Variants in FGF14 observed in about 807,000 individuals in gnomAD.
FGF14 encodes fibroblast growth factor homologous factor 4.
In FGF14, 5 loss-of-function variants were observed where a neutral mutation model predicts 25.5. That is an observed-to-expected ratio of 0.20 (90% CI 0.10 to 0.41). The LOEUF (loss-of-function observed/expected upper bound fraction) is 0.41, where lower values mean the gene tolerates loss of function less well. Ranked by LOEUF, FGF14 falls within the 10% of genes least tolerant of loss-of-function variation. The pLI is 1.00. For synonymous variants in FGF14, 138 were observed against 118.3 expected (o/e 1.17, Z -1.08); for missense variants, 222 against 320.1 (o/e 0.69, Z 2.34).
At chr13:101,856,517 T>A (rs999166615) in intron 3 of FGF14, among the ~76,000 whole-genome samples, 6 of 151,940 alleles carry the variant, frequency 3.9e-5, no homozygotes, top group African/African-American at 1.4e-4. Flanking sequence ...AATGGCAATA[T>A]TTAAATAATA....
At chr13:102,234,659 C>T (rs370236459) in intron 1 of FGF14, among the ~76,000 whole-genome samples, 25 of 152,240 alleles carry the variant, frequency 1.6e-4, no homozygotes, top group East Asian at 9.7e-4. Flanking sequence ...ACATTACTAT[C>T]TTCACAGTGT....
intron 1 of FGF14, among the ~76,000 whole-genome samples, chr13:102,370,234 CCCTGCCTTGG>C (rs1294668013): frequency 6.6e-6 from 1 of 152,070 alleles, no homozygotes; most frequent in Non-Finnish European, 1.5e-5. Flanking sequence ...CTCAAGTGAT[CCCTGCCTTGG>C]CCTCCCAAAG....
At chr13:102,303,791 C>T (rs919165201) in intron 1 of FGF14, among the ~76,000 whole-genome samples, 2 of 152,076 alleles carry the variant, frequency 1.3e-5, no homozygotes, top group African/African-American at 2.4e-5. Context: ...AGATAATGAC[C>T]TTAGTGTACA....
In FGF14 at chr13:101,985,941, C is replaced by T. The variant is rs1040440957; in HGVS notation, c.209-110645G>A. ...AATCTGCAAGTGTTCAGAAAACATCCAACTGCTACCTAAGATAAGGGTTTA... is the reference window on the plus strand; with the variant it reads ...AATCTGCAAGTGTTCAGAAAACATCTAACTGCTACCTAAGATAAGGGTTTA... On this transcript the variant is annotated intron_variant, in intron 1 of 4. Transcript: ENST00000376131. 2.0e-5 allele frequency among the ~76,000 whole-genome samples: 3 copies of T among 152,038 alleles called. No homozygotes were observed. The East Asian group carries it at 5.8e-4, about 29-fold the overall frequency.
chr13:101,990,627 G>A (rs1470350889), intron 1 of FGF14, among the ~76,000 whole-genome samples: 2 of 152,110 alleles, frequency 1.3e-5, no homozygotes, highest in Admixed American at 6.5e-5. Flanking sequence ...CACTGCATCA[G>A]TATGGGGCTT....
chr13:101,714,526 C>A lies in FGF14; in HGVS notation c.*8305G>T. 1 of 1,606,298 alleles carries A rather than the reference C, an allele frequency of 6.2e-7. No homozygotes were observed. The highest frequency in any genetic ancestry group is 8.5e-7 in the Non-Finnish European group (1 of 1,172,982). On this transcript the variant is annotated 3_prime_UTR_variant, in exon 5 of 5. Coordinates refer to ENST00000376143, the MANE Select transcript of FGF14 (RefSeq NM_004115.4). Reference sequence around the variant, plus strand: ...GTGACTGTGATGACAGAGACTGCGACAAACATGATGGTCTCATTTGTACAG... The same window carrying A: ...GTGACTGTGATGACAGAGACTGCGAAAAACATGATGGTCTCATTTGTACAG...
rs77048958 is a variant in FGF14, at chr13:102,205,694, A to G, written c.208+195777T>C. Among the ~76,000 whole-genome samples the G allele has an allele frequency of 8.8e-3, 1,331 of 151,584 alleles. 16 individuals carry two copies. Among genetic ancestry groups the G allele is most frequent in the African/African-American group, 0.03 (1,232 of 41,284 alleles). ...ACTGCCTTCAGAAAGGGAAAGAAAC[A>G]TGAAAGCATTTTGCCATCTCTCCCC... On this transcript the variant is annotated intron_variant, in intron 1 of 4. Transcript: ENST00000376131.
At chr13:101,837,704 G>A (rs184761236) in intron 3 of FGF14, among the ~76,000 whole-genome samples, 71 of 152,124 alleles carry the variant, frequency 4.7e-4, no homozygotes, top group African/African-American at 1.7e-3. Context: ...ATAATCTAAC[G>A]ATAATCACTT....
chr13:102,180,087 G>A (rs904267076), intron 1 of FGF14, among the ~76,000 whole-genome samples: 37 of 152,100 alleles, frequency 2.4e-4, no homozygotes, highest in African/African-American at 8.7e-4. Context: ...GGAAGTCAAT[G>A]GAGAGAAAGG....
At chr13:101,850,514 A>ATAT (rs2043767466) in intron 3 of FGF14, among the ~76,000 whole-genome samples, 1 of 2,312 alleles carries the variant, frequency 4.3e-4, no homozygotes, top group African/African-American at 1.2e-3. Flanking sequence ...ATATATATAT[A>ATAT]GAATTATATA....
intron 1 of FGF14, among the ~76,000 whole-genome samples, chr13:102,223,629 T>C (rs960882753): frequency 6.6e-6 from 1 of 152,218 alleles, no homozygotes; most frequent in Admixed American, 6.5e-5. Context: ...TACTCCACTT[T>C]TGAAACACTT....
chr13:102,231,454 G>A lies in FGF14; in HGVS notation c.208+170017C>T, dbSNP rs112035261. On this transcript the variant is annotated intron_variant, in intron 1 of 4. Coordinates refer to the FGF14 transcript ENST00000376131. Reference sequence around the variant, plus strand: ...TTAGAAATGAGAAAAATCATTTAAAGCAAGAGCAGAAGGCAGGGTCTGTGG... The same window carrying A: ...TTAGAAATGAGAAAAATCATTTAAAACAAGAGCAGAAGGCAGGGTCTGTGG... 3.2e-3 allele frequency among the ~76,000 whole-genome samples: 483 copies of A among 152,278 alleles called. 6 individuals carry two copies. The highest frequency in any genetic ancestry group is 0.011 in the African/African-American group (470 of 41,566).
chr13:101,868,664 G>A (rs1161974509), intron 3 of FGF14, 61 bp downstream of exon 3: 6 of 1,038,654 alleles, frequency 5.8e-6, no homozygotes, highest in Non-Finnish European at 9.2e-6. Flanking sequence ...TTTTGTTGTT[G>A]CTGCCATTGT....
chr13:102,100,375 C>T (rs919846681), intron 1 of FGF14, among the ~76,000 whole-genome samples: 8 of 140,302 alleles, frequency 5.7e-5, no homozygotes, highest in South Asian at 2.2e-4. Flanking sequence ...CAAAATGCCA[C>T]GCCCTCCTAG....
chr13:102,376,264 CT>C (rs2139141885), intron 1 of FGF14, among the ~76,000 whole-genome samples: 1 of 152,280 alleles, frequency 6.6e-6, no homozygotes, highest in Non-Finnish European at 1.5e-5. Flanking sequence ...CCTACACAAG[CT>C]CTCTTGCCTG....
intron 1 of FGF14, among the ~76,000 whole-genome samples, chr13:102,133,042 C>A (rs2046266390): frequency 6.6e-6 from 1 of 152,200 alleles, no homozygotes; most frequent in African/African-American, 2.4e-5. Context: ...GAAAGCCTTT[C>A]TATTCCATCT....
At chr13:102,296,797 C>T (rs2054735927) in intron 1 of FGF14, among the ~76,000 whole-genome samples, 1 of 152,096 alleles carries the variant, frequency 6.6e-6, no homozygotes, top group Admixed American at 6.5e-5. Context: ...AGTGCTAAGA[C>T]AAAATTAAGT....
chr13:102,186,957 TTACA>T (rs1211112120), intron 1 of FGF14, among the ~76,000 whole-genome samples: 3 of 151,444 alleles, frequency 2.0e-5, no homozygotes, highest in African/African-American at 7.3e-5. Context: ...CACATCAGAG[TTACA>T]TACATAATCC....
chr13:101,802,737 T>C (rs377238719), intron 3 of FGF14, among the ~76,000 whole-genome samples: 1 of 152,210 alleles, frequency 6.6e-6, no homozygotes, highest in Admixed American at 6.5e-5. Flanking sequence ...CACTTTGCTG[T>C]TTGCATGATA....
Sources: allele counts gnomAD v4.1 joint callset (sites outside exome capture counted in the v4.1 genomes callset), GRCh38; gene constraint gnomAD v4.1.1; transcripts MANE v1.5; gene names NCBI Gene and HGNC (gene_info 2026-07-23, HGNC 2026-07-21).